Variants in UTP20 observed in about 807,000 individuals in gnomAD.
UTP20 encodes the protein small subunit processome component 20 homolog.
A neutral mutation model predicts 329.5 loss-of-function variants in UTP20; 164 were observed. The observed-to-expected ratio is 0.50, with a 90% confidence interval of 0.44 to 0.57. The LOEUF (loss-of-function observed/expected upper bound fraction) is 0.57, where lower values mean the gene tolerates loss of function less well. Among genes scored for constraint, UTP20 ranks in the 20% least tolerant of loss-of-function variants. The pLI, the probability that UTP20 is intolerant of heterozygous loss-of-function variation, is 0.00. For synonymous variants in UTP20, 1,151 were observed against 1,159.3 expected (o/e 0.99, Z 0.14); for missense variants, 3,055 against 3,284.2 (o/e 0.93, Z 1.71).
chr12:101,295,449 A>G (rs1436455681), intron 11 of UTP20, 31 bp from the exon 12 acceptor site: 7 of 1,526,486 alleles, frequency 4.6e-6, no homozygotes, highest in South Asian at 2.4e-5. Flanking sequence ...ATATCTGTTA[A>G]TAAGTGTGAT....
At chr12:101,355,263 C>G (rs1869682495) in intron 41 of UTP20, 145 bp downstream of exon 41, 1 of 900,094 alleles carries the variant, frequency 1.1e-6, no homozygotes, top group Non-Finnish European at 1.6e-6. Flanking sequence ...CACCCCTCTA[C>G]TCTTATCTCT....
chr12:101,296,368 G>A (rs1198744346), intron 12 of UTP20, among the ~76,000 whole-genome samples: 3 of 152,194 alleles, frequency 2.0e-5, no homozygotes, highest in African/African-American at 7.2e-5. Flanking sequence ...TCAGGAGATC[G>A]AGACCATCCT....
At chr12:101,356,457 T>G in intron 41 of UTP20, 97 bp from the exon 42 acceptor site, 4 of 1,126,906 alleles carry the variant, frequency 3.5e-6, no homozygotes, top group Non-Finnish European at 4.9e-6. Context: ...TCATCCATCC[T>G]TCTAGAAAAA....
At chr12:101,314,582 C>T (rs151129241) in intron 21 of UTP20, among the ~76,000 whole-genome samples, 2,145 of 150,862 alleles carry the variant, frequency 0.014, 28 homozygotes, top group East Asian at 0.081. Context: ...GGCGTGAACC[C>T]GGGAGGTGGA....
rs886685641 is a variant in UTP20 at position 101,280,297 on chromosome 12, C to T, written c.15C>T (p.Pro5=). Residue 5 remains proline, a synonymous_variant, in exon 1 of 62, where the codon CCC becomes CCT. Coordinates refer to ENST00000261637, the MANE Select transcript of UTP20 (RefSeq NM_014503.3). MKTK[P]VSHKTENTYR... The stretch of plus-strand genomic sequence containing the variant: ...CCTCTGCAGCCATGAAGACAAAGCC[C>T]GTTTCCCACAAGACCGAGAACACCT... 6 of 1,551,646 alleles carry T rather than the reference C, an allele frequency of 3.9e-6. No homozygotes were observed. In the African/African-American group the frequency reaches 8.2e-5, roughly 21 times the overall value.
At chr12:101,302,889 C>T (rs1872558220) in intron 15 of UTP20, among the ~76,000 whole-genome samples, 2 of 152,156 alleles carry the variant, frequency 1.3e-5, no homozygotes, top group Non-Finnish European at 2.9e-5. Context: ...ATGCACATTC[C>T]CACTCTTGTT....
Position 101,386,238 on chromosome 12 carries a change from C to G in UTP20, c.*115C>G, listed in dbSNP as rs1394532482. On this transcript the variant is annotated 3_prime_UTR_variant, in exon 62 of 62. Coordinates refer to ENST00000261637, the MANE Select transcript of UTP20 (RefSeq NM_014503.3). ...TTTTTTTTTTTTTTTGAGACAAGGT[C>G]TCACTCTGTCACCCAAGGTGGAGTG... The G allele has an allele frequency of 4.3e-6, 4 of 940,804 alleles. No individual in the cohort carries two copies. The highest frequency in any genetic ancestry group is 5.4e-5 in the Admixed American group (2 of 37,014). The allele number at this position is 940,804 out of a possible 1,614,324, so 58.3% of individuals were successfully genotyped here.
intron 18 of UTP20, among the ~76,000 whole-genome samples, chr12:101,309,431 G>A (rs1872722052): frequency 6.6e-6 from 1 of 152,164 alleles, no homozygotes; most frequent in Admixed American, 6.5e-5. Context: ...TGCTGTTGAA[G>A]TTTTGTCTTA....
intron 59 of UTP20, 82 bp downstream of exon 59, chr12:101,383,395 C>A (rs1477687045): frequency 6.7e-7 from 1 of 1,486,296 alleles, no homozygotes. Context: ...CCTCCTAAGT[C>A]CCTAGAAACT....
At chr12:101,289,563 C>T (rs532227102) in intron 6 of UTP20, among the ~76,000 whole-genome samples, 1 of 152,014 alleles carries the variant, frequency 6.6e-6, no homozygotes, top group African/African-American at 2.4e-5. Context: ...ATTTGTTGCT[C>T]ACAAATTGAT....
rs1871742035 is a variant in UTP20, at chr12:101,280,122, T to C, written c.-161T>C. 9 of 881,184 alleles carry C rather than the reference T, an allele frequency of 1.0e-5. 1 individual carries two copies. In the South Asian group the frequency reaches 1.5e-4, roughly 14 times the overall value. 54.6% of individuals were successfully genotyped at this position (881,184 alleles called of 1,614,324 possible). A position where few individuals can be genotyped will look rare whatever the true frequency, so the allele number is the denominator to read the frequency against. On this transcript the variant is annotated 5_prime_UTR_variant, in exon 1 of 62. Transcript: ENST00000261637. ...CGTGACCCACTCAGGCTCCTCCTTGTCTCCAACATGGCGGCGCCCAGGGGC... is the reference window on the plus strand; with the variant it reads ...CGTGACCCACTCAGGCTCCTCCTTGCCTCCAACATGGCGGCGCCCAGGGGC...
At position 101,370,522 on chromosome 12, in the gene UTP20, T is replaced by C. The variant is rs1870250274; in HGVS notation, c.6646T>C (p.Tyr2216His). The C allele has an allele frequency of 6.2e-7, 1 of 1,613,928 alleles. No homozygotes were observed. Residue 2216 changes from tyrosine (Y) to histidine (H), a missense_variant, in exon 50 of 62, where the codon TAT (tyrosine) becomes CAT (histidine). This residue lies in a region of UTP20 where 273 missense variants were observed against 363.1 expected (regional missense o/e 0.75). Transcript: ENST00000261637. ...ACTGGCCTATGCTGAGGAGGACATT[T>C]ATGATACTTCAAGACAAGCCACTGC... is the stretch of plus-strand genomic sequence containing the variant. ...VLLAYAEEDI[Y>H]DTSRQATAFG...
chr12:101,286,902 A>G (rs1241104577), intron 5 of UTP20, among the ~76,000 whole-genome samples: 1 of 152,192 alleles, frequency 6.6e-6, no homozygotes, highest in East Asian at 1.9e-4. Context: ...GGGAGGTTTA[A>G]GACAGGTTAA....
At chr12:101,328,325 C>T (rs775339843) in intron 26 of UTP20, among the ~76,000 whole-genome samples, 1 of 152,136 alleles carries the variant, frequency 6.6e-6, no homozygotes, top group Non-Finnish European at 1.5e-5. Context: ...AGCTCATGAC[C>T]TCACATCAGA....
rs1462556859 is a variant in UTP20, at chr12:101,340,522, G to A, written c.4014-1G>A. ...TATATATCCGTTTTTTCCTTCTTTA[G>A]GATCAGCAAGTTTATGAAAGACAAA... is the stretch of plus-strand genomic sequence containing the variant. On this transcript the variant is annotated splice_acceptor_variant, in intron 31 of 61. Transcript: ENST00000261637. LOFTEE classifies it high-confidence loss of function. 2 of 1,591,180 alleles carry A rather than the reference G, an allele frequency of 1.3e-6. No homozygotes were observed. Among genetic ancestry groups the A allele is most frequent in the Non-Finnish European group, 1.7e-6 (2 of 1,167,110 alleles).
intron 46 of UTP20, among the ~76,000 whole-genome samples, chr12:101,366,297 G>C (rs907072814): frequency 2.6e-5 from 4 of 152,100 alleles, no homozygotes; most frequent in African/African-American, 7.2e-5. Context: ...AGAGAGACTC[G>C]TTGGCATTTA....
chr12:101,354,058 C>T (rs1414755589), intron 40 of UTP20, among the ~76,000 whole-genome samples: 5 of 151,848 alleles, frequency 3.3e-5, no homozygotes, highest in Admixed American at 6.6e-5. Context: ...GCCAGGAGTT[C>T]GAGACTAGCC....
At chr12:101,346,806 C>T (rs1009251003) in intron 38 of UTP20, among the ~76,000 whole-genome samples, 1 of 152,062 alleles carries the variant, frequency 6.6e-6, no homozygotes, top group Non-Finnish European at 1.5e-5. Context: ...TCACAAAGGC[C>T]GAGCGCAAAA....
chr12:101,385,728 G>GGTAA lies in UTP20; in HGVS notation c.8202+3_8202+6dup. 3.7e-6 allele frequency: 6 copies of GGTAA among 1,610,072 alleles called. No individual in the cohort carries two copies. Among genetic ancestry groups the GGTAA allele is most frequent in the Non-Finnish European group, 5.1e-6 (6 of 1,179,190 alleles). ...TCCGGAAAAAGAGGAAGGCCCTGGA[G>GGTAA]GTAAGTTTGCTCTTTGAAAATATGG... On this transcript the variant is annotated frameshift_variant and splice_region_variant. Coordinates refer to ENST00000261637, the MANE Select transcript of UTP20 (RefSeq NM_014503.3). LOFTEE classifies it high-confidence loss of function.
Sources: allele counts gnomAD v4.1 joint callset (sites outside exome capture counted in the v4.1 genomes callset), GRCh38; gene constraint gnomAD v4.1.1; regional missense constraint gnomAD v4.1.1; transcripts MANE v1.5; gene names NCBI Gene and HGNC (gene_info 2026-07-23, HGNC 2026-07-21).